The following FNDC3B variants were observed in gnomAD, a reference collection of about 807,000 sequenced individuals.
FNDC3B encodes the protein fibronectin type III domain containing 3B, also known as fibronectin type III domain-containing protein 3B.
A neutral mutation model predicts 151.5 loss-of-function variants in FNDC3B; 12 were observed. The ratio of observed to expected loss-of-function variants is 0.08; its 90% confidence interval spans 0.05 to 0.13. The LOEUF is 0.13. FNDC3B is among the 10% of genes least tolerant of loss of function. FNDC3B has a pLI of 1.00. For missense variants in FNDC3B, 1,214 were observed against 1,505.3 expected (o/e 0.81, Z 3.20); for synonymous variants, 528 against 549.0 (o/e 0.96, Z 0.54).
intron 1 of FNDC3B, among the ~76,000 whole-genome samples, chr3:172,059,799 G>A (rs928813638): frequency 2.6e-5 from 4 of 152,186 alleles, no homozygotes; most frequent in African/African-American, 4.8e-5. Context: ...GATGCTGACC[G>A]GATGGTTTTA....
chr3:172,325,466 C>T (rs1732296682), intron 11 of FNDC3B, among the ~76,000 whole-genome samples: 1 of 152,194 alleles, frequency 6.6e-6, no homozygotes, highest in African/African-American at 2.4e-5. Context: ...CCTGTCAGTT[C>T]GTATGAATCT....
Position 172,251,200 on chromosome 3 carries a change from T to C in FNDC3B, c.509-60T>C. On this transcript the variant is annotated intron_variant, in intron 5 of 25. Coordinates refer to ENST00000415807, the MANE Select transcript of FNDC3B (RefSeq NM_022763.4). ...TCAGGAGCCAGATCATTTGACCATTTAATAATTTATTATTGAAAATGTAAA... is the reference window on the plus strand; with the variant it reads ...TCAGGAGCCAGATCATTTGACCATTCAATAATTTATTATTGAAAATGTAAA... 2.3e-6 allele frequency: 3 copies of C among 1,319,010 alleles called. No individual in the cohort carries two copies. In the South Asian group the frequency reaches 4.0e-5, roughly 18 times the overall value. 81.7% of individuals were successfully genotyped at this position (1,319,010 alleles called of 1,614,324 possible).
At chr3:172,203,196 C>T (rs895912579) in intron 3 of FNDC3B, among the ~76,000 whole-genome samples, 1 of 152,234 alleles carries the variant, frequency 6.6e-6, no homozygotes, top group African/African-American at 2.4e-5. Flanking sequence ...GTCTCTCTCC[C>T]TGCCCCCCTT....
At chr3:172,273,348 A>G (rs73029387) in intron 6 of FNDC3B, among the ~76,000 whole-genome samples, 12,860 of 152,264 alleles carry the variant, frequency 0.084, 710 homozygotes, top group African/African-American at 0.15. Context: ...CATTTCTACT[A>G]GAAATTCCTG....
chr3:172,243,669 C>T (rs35417004), intron 4 of FNDC3B, among the ~76,000 whole-genome samples: 10,379 of 152,272 alleles, frequency 0.068, 485 homozygotes, highest in Non-Finnish European at 0.099. Flanking sequence ...CAAACCATAT[C>T]AGCCATCTTC....
chr3:172,087,023 C>T (rs1718579663), intron 1 of FNDC3B, among the ~76,000 whole-genome samples: 1 of 152,172 alleles, frequency 6.6e-6, no homozygotes, highest in South Asian at 2.1e-4. Flanking sequence ...TCACTTTTAC[C>T]AGAGTTTATA....
intron 1 of FNDC3B, among the ~76,000 whole-genome samples, chr3:172,066,056 T>C (rs1717481906): frequency 6.6e-6 from 1 of 152,228 alleles, no homozygotes; most frequent in African/African-American, 2.4e-5. Flanking sequence ...ACCAAGACCA[T>C]TGTAGCTGAT....
Position 172,400,924 on chromosome 3 carries a change from ATT to A in FNDC3B, c.*3464_*3465del, listed in dbSNP as rs3057949. On this transcript the variant is annotated 3_prime_UTR_variant, in exon 26 of 26. Coordinates refer to ENST00000415807, the MANE Select transcript of FNDC3B (RefSeq NM_022763.4). The stretch of plus-strand genomic sequence containing the variant: ...AGGCACTCGCCACCATGCCCGGATA[ATT>A]TTTTTTTTTTTTTTGAGTTGGAGTC... 4.3e-5 allele frequency: 5 copies of A among 115,700 alleles called. No individual in the cohort carries two copies. The highest frequency in any genetic ancestry group is 9.0e-5 in the Admixed American group (1 of 11,092). The allele number at this position is 115,700 out of a possible 1,614,324, so 7.2% of individuals were successfully genotyped here. A position where few individuals can be genotyped will look rare whatever the true frequency, so the allele number is the denominator to read the frequency against.
At chr3:172,209,015 A>G (rs1315205790) in intron 3 of FNDC3B, among the ~76,000 whole-genome samples, 2 of 151,940 alleles carry the variant, frequency 1.3e-5, no homozygotes, top group Non-Finnish European at 2.9e-5. Context: ...CAGAGCCCCA[A>G]AGAGGGTGTT....
At chr3:172,064,611 T>C (rs970846757) in intron 1 of FNDC3B, among the ~76,000 whole-genome samples, 1 of 152,246 alleles carries the variant, frequency 6.6e-6, no homozygotes, top group African/African-American at 2.4e-5. Flanking sequence ...ACTTCAGAGA[T>C]AACTTTCATT....
rs561438159 is a variant in FNDC3B, at chr3:172,180,077, G to A, written c.187+46531G>A. 1.1e-4 allele frequency among the ~76,000 whole-genome samples: 16 copies of A among 152,174 alleles called. No homozygotes were observed. The South Asian group carries it at 2.5e-3, about 24-fold the overall frequency. On this transcript the variant is annotated intron_variant, in intron 3 of 25. Transcript: ENST00000415807. ...TTTCTCTTCTTCTCTTCATGTTTGC[G>A]TATTTTGATTGCACATGTACCTTGG...
intron 1 of FNDC3B, among the ~76,000 whole-genome samples, chr3:172,059,053 A>G (rs1446628396): frequency 6.6e-6 from 1 of 152,218 alleles, no homozygotes; most frequent in Non-Finnish European, 1.5e-5. Flanking sequence ...ATCAAAACCA[A>G]CATCTTCCAT....
intron 10 of FNDC3B, 54 bp from the exon 11 acceptor site, chr3:172,310,774 A>T (rs761556416): frequency 7.4e-7 from 1 of 1,346,532 alleles, no homozygotes; most frequent in Non-Finnish European, 1.1e-6. Context: ...TGGGTAACTC[A>T]TAAGTTTTGT....
intron 2 of FNDC3B, among the ~76,000 whole-genome samples, chr3:172,118,472 G>T (rs2108549757): frequency 6.6e-6 from 1 of 152,300 alleles, no homozygotes; most frequent in East Asian, 1.9e-4. Flanking sequence ...GTATATTGTA[G>T]AAAAATGAAT....
At chr3:172,091,873 G>GTGTGTGTGTGT (rs3221957) in intron 1 of FNDC3B, among the ~76,000 whole-genome samples, 7 of 124,754 alleles carry the variant, frequency 5.6e-5, no homozygotes, top group Admixed American at 5.0e-4. Flanking sequence ...ACTTTACTGG[G>GTGTGTGTGTGT]GTGTGTGTGT....
chr3:172,129,261 C>G (rs1245671605), intron 2 of FNDC3B, among the ~76,000 whole-genome samples: 2 of 152,200 alleles, frequency 1.3e-5, no homozygotes, highest in Non-Finnish European at 2.9e-5. Context: ...GCATGAGCCT[C>G]TGTACCTGGC....
intron 6 of FNDC3B, among the ~76,000 whole-genome samples, chr3:172,264,979 TAAACAA>T: frequency 6.6e-6 from 1 of 152,276 alleles, no homozygotes; most frequent in Non-Finnish European, 1.5e-5. Flanking sequence ...CAGTAGGAGG[TAAACAA>T]CCTCGATAAG....
chr3:172,127,626 T>C (rs1720864208), intron 2 of FNDC3B, among the ~76,000 whole-genome samples: 1 of 152,196 alleles, frequency 6.6e-6, no homozygotes, highest in African/African-American at 2.4e-5. Context: ...TACAGACACA[T>C]GTGATATTGA....
In FNDC3B at chr3:172,362,662, G is replaced by C. The variant is rs1303689250; in HGVS notation, c.2825G>C (p.Gly942Ala). ...AGAATTCAGGCTATAAATGAAATTG[G>C]AGCTGGACCATTTAGTCAGTTCATT... ...RIRIQAINEIGAGPFSQFIKA... is the reference protein window; with the variant it reads ...RIRIQAINEIAAGPFSQFIKA... Residue 942 changes from glycine (G) to alanine (A), a missense_variant, in exon 23 of 26, where the codon GGA (glycine) becomes GCA (alanine). Physicochemically the swap from Gly to Ala is moderately conservative, Grantham distance 60 (BLOSUM62 0). Coordinates refer to ENST00000415807, the MANE Select transcript of FNDC3B (RefSeq NM_022763.4). 1 of 1,613,890 alleles carries C rather than the reference G, an allele frequency of 6.2e-7. No individual in the cohort carries two copies. The highest frequency in any genetic ancestry group is 8.5e-7 in the Non-Finnish European group (1 of 1,179,932).
Sources: allele counts gnomAD v4.1 joint callset (sites outside exome capture counted in the v4.1 genomes callset), GRCh38; gene constraint gnomAD v4.1.1; transcripts MANE v1.5; gene names NCBI Gene and HGNC (gene_info 2026-07-23, HGNC 2026-07-21).